The following DLGAP2 variants were observed in gnomAD, a reference collection of about 807,000 sequenced individuals.
DLGAP2 encodes the protein disks large-associated protein 2.
DLGAP2 carries 26 observed loss-of-function variants against 100.3 expected under a neutral mutation model. The ratio of observed to expected loss-of-function variants is 0.26; its 90% CI spans 0.19 to 0.36. DLGAP2 has a LOEUF of 0.36. Among genes scored for constraint, DLGAP2 ranks in the 10% least tolerant of loss-of-function variants. The pLI is 1.00. For synonymous variants in DLGAP2, 886 were observed against 630.1 expected (o/e 1.41, Z -6.08); for missense variants, 1,858 against 1,453.2 (o/e 1.28, Z -4.53).
chr8:1,197,533 A>G (rs909980656), intron 2 of DLGAP2, among the ~76,000 whole-genome samples: 2 of 152,250 alleles, frequency 1.3e-5, no homozygotes, highest in Non-Finnish European at 2.9e-5. Flanking sequence ...AGCTGTCTAC[A>G]TAAACCTGAG....
chr8:1,258,069 A>G (rs543057759), intron 2 of DLGAP2, among the ~76,000 whole-genome samples: 3 of 152,330 alleles, frequency 2.0e-5, no homozygotes, highest in East Asian at 1.9e-4. Flanking sequence ...GTTTGTGTCT[A>G]TTCTGCAGGC....
chr8:1,551,021 T>A (rs1165330396), intron 5 of DLGAP2, among the ~76,000 whole-genome samples: 1 of 152,238 alleles, frequency 6.6e-6, no homozygotes, highest in Non-Finnish European at 1.5e-5. Flanking sequence ...TGATTCTTTC[T>A]GGGAGTCGTG....
rs957820929 is a variant in DLGAP2 at position 872,625 on chromosome 8, G to A, written c.19-35287G>A. Among the ~76,000 whole-genome samples, 8 of 152,040 alleles carry A rather than the reference G, an allele frequency of 5.3e-5. No individual in the cohort carries two copies. In the South Asian group the frequency reaches 6.2e-4, roughly 12 times the overall value. On this transcript the variant is annotated intron_variant, in intron 1 of 14. Coordinates refer to ENST00000637795, the MANE Select transcript of DLGAP2 (RefSeq NM_001346810.2). ...ATTACAGGCGTGAGCCACTGCGCCC[G>A]GCCTTCTCTCACTTCTTAAAAGCAG...
chr8:1,095,315 C>T (rs745455956), intron 2 of DLGAP2, among the ~76,000 whole-genome samples: 3 of 152,204 alleles, frequency 2.0e-5, no homozygotes, highest in Admixed American at 6.5e-5. Flanking sequence ...CAGAACCGCT[C>T]TCTCCCCACC....
intron 3 of DLGAP2, among the ~76,000 whole-genome samples, chr8:1,371,023 C>A (rs2129705631): frequency 6.6e-6 from 1 of 152,380 alleles, no homozygotes; most frequent in Non-Finnish European, 1.5e-5. Flanking sequence ...ACTTCTAATA[C>A]CATTCGTGTA....
intron 4 of DLGAP2, among the ~76,000 whole-genome samples, chr8:1,532,287 C>T (rs1801011763): frequency 6.6e-6 from 1 of 152,180 alleles, no homozygotes; most frequent in Admixed American, 6.5e-5. Flanking sequence ...CCTTCCCATG[C>T]CACTGCCATT....
At chr8:851,307 G>A (rs957548230) in intron 1 of DLGAP2, among the ~76,000 whole-genome samples, 1 of 152,186 alleles carries the variant, frequency 6.6e-6, no homozygotes, top group African/African-American at 2.4e-5. Context: ...TGACAAAGTC[G>A]CCTGGTGACG....
At chr8:1,677,773 A>G (rs1432516653) in intron 11 of DLGAP2, among the ~76,000 whole-genome samples, 1 of 152,248 alleles carries the variant, frequency 6.6e-6, no homozygotes, top group African/African-American at 2.4e-5. Flanking sequence ...TAAATTATCC[A>G]GACAGAAGTG....
At chr8:965,564 AC>A in intron 2 of DLGAP2, among the ~76,000 whole-genome samples, 1 of 120,468 alleles carries the variant, frequency 8.3e-6, no homozygotes, top group South Asian at 2.9e-4. Context: ...CCTGAGCCCA[AC>A]CCCCGCGTGC....
At chr8:1,483,678 G>GCAGGAGGTGGGGACCAGGGAGGCAGGTA (rs1174910655) in intron 3 of DLGAP2, among the ~76,000 whole-genome samples, 4 of 151,534 alleles carry the variant, frequency 2.6e-5, no homozygotes, top group Non-Finnish European at 5.9e-5. Context: ...GGAGGCAGGT[G>GCAGGAGGTGGGGACCAGGGAGGCAGGTA]CAGGAGGTGG....
At chr8:1,199,675 T>A (rs188903433) in intron 2 of DLGAP2, among the ~76,000 whole-genome samples, 32 of 152,276 alleles carry the variant, frequency 2.1e-4, no homozygotes, top group African/African-American at 7.2e-4. Context: ...TCCCACTTTC[T>A]GATGGAGAGT....
intron 3 of DLGAP2, among the ~76,000 whole-genome samples, chr8:1,446,970 T>C (rs926201900): frequency 2.0e-5 from 3 of 152,236 alleles, no homozygotes; most frequent in Non-Finnish European, 2.9e-5. Context: ...TGAAGTTGCT[T>C]ATCAGCTTAA....
At chr8:1,421,825 A>G (rs754298387) in intron 3 of DLGAP2, among the ~76,000 whole-genome samples, 3 of 152,030 alleles carry the variant, frequency 2.0e-5, no homozygotes, top group Admixed American at 6.6e-5. Context: ...TTAGCCAGGT[A>G]TGGTGGCACA....
chr8:1,695,771 C>A (rs1015866770), intron 13 of DLGAP2, among the ~76,000 whole-genome samples: 1 of 152,268 alleles, frequency 6.6e-6, no homozygotes. Context: ...TGTCACCTGG[C>A]CTGGCCTGCC....
intron 2 of DLGAP2, among the ~76,000 whole-genome samples, chr8:972,929 G>A (rs1435302934): frequency 1.3e-5 from 2 of 152,228 alleles, no homozygotes; most frequent in Non-Finnish European, 2.9e-5. Flanking sequence ...AGACCACCGT[G>A]TTGGGGGTAA....
At chr8:1,384,194 G>A (rs1278808734) in intron 3 of DLGAP2, among the ~76,000 whole-genome samples, 1 of 152,266 alleles carries the variant, frequency 6.6e-6, no homozygotes, top group East Asian at 1.9e-4. Context: ...AAAAGTTAAG[G>A]GATGAAGTGG....
chr8:1,333,964 A>T (rs893352111), intron 3 of DLGAP2, among the ~76,000 whole-genome samples: 1 of 152,224 alleles, frequency 6.6e-6, no homozygotes. Flanking sequence ...AGGGGCCAAC[A>T]CGGCGAGAGC....
intron 1 of DLGAP2, among the ~76,000 whole-genome samples, chr8:862,864 T>G (rs186351598): frequency 6.5e-4 from 99 of 152,284 alleles, no homozygotes; most frequent in African/African-American, 2.3e-3. Context: ...CATGATGTTG[T>G]TTTATATTTT....
intron 2 of DLGAP2, among the ~76,000 whole-genome samples, chr8:1,257,179 C>T (rs1000952728): frequency 1.3e-5 from 2 of 152,122 alleles, no homozygotes; most frequent in Non-Finnish European, 2.9e-5. Flanking sequence ...ACGATTCATG[C>T]TCTTTCCTTT....
Sources: gnomAD v4.1 joint callset for allele counts (sites outside exome capture counted in the v4.1 genomes callset) on GRCh38, gnomAD v4.1.1 for gene constraint, MANE v1.5 for transcripts, NCBI Gene and HGNC (gene_info 2026-07-23, HGNC 2026-07-21) for gene names.